KIF2A: variants seen among roughly 807,000 people sequenced by gnomAD.
KIF2A encodes the protein kinesin-like protein KIF2A.
KIF2A carries 22 observed loss-of-function variants against 100.2 expected under a neutral mutation model. The observed-to-expected ratio is 0.22, with a 90% CI of 0.16 to 0.31. KIF2A has a LOEUF of 0.31. Ranked by LOEUF, KIF2A falls within the 10% of genes least tolerant of loss-of-function variation. The pLI is 1.00. For missense variants in KIF2A, 495 were observed against 898.7 expected, an observed-to-expected ratio of 0.55 and a Z score of 5.74; for synonymous variants, 268 against 285.9, an observed-to-expected ratio of 0.94 and a Z score of 0.63.
chr5:62,384,814 C>A (rs572248405), intron 20 of KIF2A, among the ~76,000 whole-genome samples: 9 of 152,142 alleles, frequency 5.9e-5, no homozygotes, highest in African/African-American at 2.2e-4. Flanking sequence ...TCTAAAAATT[C>A]AAATATATTT....
chr5:62,343,929 A>G (rs1747422279), intron 1 of KIF2A, among the ~76,000 whole-genome samples: 1 of 152,226 alleles, frequency 6.6e-6, no homozygotes, highest in Non-Finnish European at 1.5e-5. Flanking sequence ...CATCTTCATC[A>G]GCTTAATTGA....
chr5:62,350,255 T>TTTTTG (rs1747782727), intron 4 of KIF2A, 135 bp downstream of exon 4: 3 of 603,812 alleles, frequency 5.0e-6, no homozygotes, highest in Non-Finnish European at 8.6e-6. Context: ...AAGAGGTGCT[T>TTTTTG]TTTTGTTTTG....
At chr5:62,361,402 G>A (rs1748400244) in intron 10 of KIF2A, 64 bp from the exon 11 acceptor site, 3 of 1,414,540 alleles carry the variant, frequency 2.1e-6, no homozygotes, top group Non-Finnish European at 3.0e-6. Context: ...TTAATTCTGT[G>A]AACTAAATTC....
chr5:62,359,225 T>A (rs1301372773), intron 9 of KIF2A, among the ~76,000 whole-genome samples: 1 of 152,192 alleles, frequency 6.6e-6, no homozygotes, highest in African/African-American at 2.4e-5. Flanking sequence ...TTGCAAACAT[T>A]CATTTCTAAT....
chr5:62,348,269 A>T, intron 3 of KIF2A, 102 bp downstream of exon 3: 1 of 1,227,960 alleles, frequency 8.1e-7, no homozygotes, highest in Admixed American at 2.3e-5. Context: ...AGAGTTTAAG[A>T]ATTGATTAAT....
chr5:62,343,541 T>C (rs1747405128), intron 1 of KIF2A, among the ~76,000 whole-genome samples: 1 of 152,146 alleles, frequency 6.6e-6, no homozygotes. Flanking sequence ...TAATAGGTCA[T>C]TGAAAGGACT....
chr5:62,317,966 A>G (rs191962224), intron 1 of KIF2A, among the ~76,000 whole-genome samples: 40 of 152,352 alleles, frequency 2.6e-4, no homozygotes, highest in Middle Eastern at 3.4e-3. Flanking sequence ...AACAAATGCT[A>G]TCGTAAGGAT....
At chr5:62,326,597 G>T (rs1460308136) in intron 1 of KIF2A, among the ~76,000 whole-genome samples, 1 of 151,784 alleles carries the variant, frequency 6.6e-6, no homozygotes, top group African/African-American at 2.4e-5. Flanking sequence ...CACCTGCCCA[G>T]TCACAACTTC....
intron 1 of KIF2A, among the ~76,000 whole-genome samples, chr5:62,317,698 T>C (rs1745887589): frequency 6.6e-6 from 1 of 152,244 alleles, no homozygotes; most frequent in Non-Finnish European, 1.5e-5. Flanking sequence ...TCAGGTGTTT[T>C]TATTAATCCA....
chr5:62,316,104 C>T (rs1745808809), intron 1 of KIF2A, among the ~76,000 whole-genome samples: 1 of 152,166 alleles, frequency 6.6e-6, no homozygotes, highest in African/African-American at 2.4e-5. Flanking sequence ...GCATCCAACT[C>T]AGGCTGCATA....
intron 1 of KIF2A, among the ~76,000 whole-genome samples, chr5:62,313,977 A>T (rs1579997003): frequency 6.6e-6 from 1 of 151,962 alleles, no homozygotes; most frequent in Non-Finnish European, 1.5e-5. Context: ...TTGTTTGTAG[A>T]GATGGGGTCT....
intron 1 of KIF2A, chr5:62,311,774 G>T (rs1364483577): frequency 3.3e-5 from 5 of 152,326 alleles, no homozygotes; most frequent in African/African-American, 9.6e-5. Context: ...CCTTTTCCCT[G>T]AGGACTAGGA....
At chr5:62,375,443 C>G (rs1031324757) in intron 18 of KIF2A, among the ~76,000 whole-genome samples, 24 of 152,144 alleles carry the variant, frequency 1.6e-4, no homozygotes, top group Non-Finnish European at 1.5e-5. Flanking sequence ...TACTTTATAA[C>G]TGATATTCTG....
At chr5:62,332,448 CA>C (rs1746702387) in intron 1 of KIF2A, among the ~76,000 whole-genome samples, 1 of 152,030 alleles carries the variant, frequency 6.6e-6, no homozygotes, top group South Asian at 2.1e-4. Context: ...TTCGTCCTAA[CA>C]AAAAGTTGAG....
chr5:62,333,561 G>C (rs978460747), intron 1 of KIF2A, among the ~76,000 whole-genome samples: 1 of 152,144 alleles, frequency 6.6e-6, no homozygotes. Context: ...AGTGGCCCTC[G>C]AGGAAATGAT....
intron 1 of KIF2A, among the ~76,000 whole-genome samples, chr5:62,334,756 C>CGTTCCATCTT (rs1746848206): frequency 6.6e-6 from 1 of 152,142 alleles, no homozygotes; most frequent in Admixed American, 6.5e-5. Context: ...TTCAGGGTGT[C>CGTTCCATCTT]CCCCTGGAGA....
At chr5:62,328,983 A>AT (rs1489746399) in intron 1 of KIF2A, among the ~76,000 whole-genome samples, 2 of 152,140 alleles carry the variant, frequency 1.3e-5, no homozygotes, top group East Asian at 1.9e-4. Context: ...ACTGAGCACT[A>AT]TTTTTTACAT....
At chr5:62,312,297 A>C (rs555145325) in intron 1 of KIF2A, among the ~76,000 whole-genome samples, 25 of 152,330 alleles carry the variant, frequency 1.6e-4, no homozygotes, top group Non-Finnish European at 1.2e-4. Context: ...AATGCTAGAG[A>C]AAACAGCAAA....
At chr5:62,349,751 CTT>C (rs1283969165) in intron 3 of KIF2A, among the ~76,000 whole-genome samples, 3 of 152,130 alleles carry the variant, frequency 2.0e-5, no homozygotes, top group South Asian at 4.1e-4. Context: ...CTTAACCTCT[CTT>C]TGTTTCAGTT....
Sources: gnomAD v4.1 joint callset for allele counts (sites outside exome capture counted in the v4.1 genomes callset) on GRCh38, gnomAD v4.1.1 for gene constraint, MANE v1.5 for transcripts, NCBI Gene and HGNC (gene_info 2026-07-23, HGNC 2026-07-21) for gene names.